The following CDH6 variants were observed in gnomAD, a reference collection of about 807,000 sequenced individuals.
CDH6 encodes the protein cadherin 6, also known as cadherin-6.
In CDH6, 31 loss-of-function variants were observed where a neutral mutation model predicts 78.0. That is an observed-to-expected ratio of 0.40 (90% CI 0.30 to 0.54). The LOEUF is 0.54. CDH6 is among the 20% of genes least tolerant of loss of function. CDH6 has a pLI of 0.56. For missense variants in CDH6, 724 were observed against 975.9 expected, an observed-to-expected ratio of 0.74 and a Z score of 3.44; for synonymous variants, 376 against 368.8, an observed-to-expected ratio of 1.02 and a Z score of -0.23.
At chr5:31,288,275 T>C (rs1430881481) in intron 2 of CDH6, among the ~76,000 whole-genome samples, 1 of 152,212 alleles carries the variant, frequency 6.6e-6, no homozygotes, top group East Asian at 1.9e-4. Flanking sequence ...TTCTAATTGG[T>C]AAAATAATCA....
At chr5:31,209,900 G>C (rs753834639) in intron 1 of CDH6, among the ~76,000 whole-genome samples, 2 of 150,502 alleles carry the variant, frequency 1.3e-5, no homozygotes, top group Non-Finnish European at 3.0e-5. Flanking sequence ...TTTTTGTCTA[G>C]TAGAAAAGAG....
intron 1 of CDH6, chr5:31,251,652 C>T (rs1741911629): frequency 6.6e-6 from 1 of 152,160 alleles, no homozygotes; most frequent in Admixed American, 6.5e-5. Context: ...TATCCATAAT[C>T]CCGAGTAGGC....
At chr5:31,219,518 A>C (rs1740953550) in intron 1 of CDH6, among the ~76,000 whole-genome samples, 1 of 152,058 alleles carries the variant, frequency 6.6e-6, no homozygotes, top group African/African-American at 2.4e-5. Flanking sequence ...CACATCATTC[A>C]TGCCCTCTTT....
intron 1 of CDH6, among the ~76,000 whole-genome samples, chr5:31,216,408 A>G (rs1740864665): frequency 6.6e-6 from 1 of 152,102 alleles, no homozygotes; most frequent in Non-Finnish European, 1.5e-5. Context: ...TCAACAGAAA[A>G]ACAGTATTTT....
intron 1 of CDH6, among the ~76,000 whole-genome samples, chr5:31,216,565 G>A (rs750686176): frequency 6.6e-5 from 10 of 151,392 alleles, no homozygotes; most frequent in Non-Finnish European, 1.5e-4. Context: ...ACAGAGATGT[G>A]TATGGCCCAC....
chr5:31,311,549 G>A (rs1015314760), intron 7 of CDH6, among the ~76,000 whole-genome samples: 2 of 151,994 alleles, frequency 1.3e-5, no homozygotes, highest in Non-Finnish European at 2.9e-5. Context: ...CACTTTCCTG[G>A]TACCAATTTT....
rs533357377 is a variant in CDH6, at chr5:31,292,347, G to A, written c.229-1615G>A. ...TTTGACATGTCAACAGTGACTCTAA[G>A]AAAGAGGCCGTATATAAAGTATTTC... On this transcript the variant is annotated intron_variant, in intron 2 of 11. Coordinates refer to ENST00000265071, the MANE Select transcript of CDH6 (RefSeq NM_004932.4). 2.0e-5 allele frequency among the ~76,000 whole-genome samples: 3 copies of A among 152,306 alleles called. No homozygotes were observed. The South Asian group carries it at 6.2e-4, about 32-fold the overall frequency.
chr5:31,225,911 C>T (rs190825991), intron 1 of CDH6, among the ~76,000 whole-genome samples: 37 of 152,194 alleles, frequency 2.4e-4, no homozygotes, highest in East Asian at 1.6e-3. Context: ...CCTAAAATTG[C>T]GTAGCTGGTA....
chr5:31,212,475 C>A (rs1382788615), intron 1 of CDH6, among the ~76,000 whole-genome samples: 2 of 152,268 alleles, frequency 1.3e-5, no homozygotes, highest in East Asian at 3.9e-4. Context: ...CCGTAATGTG[C>A]CAAATGCGGC....
intron 1 of CDH6, among the ~76,000 whole-genome samples, chr5:31,201,974 C>T (rs1185931430): frequency 6.6e-6 from 1 of 152,094 alleles, no homozygotes; most frequent in African/African-American, 2.4e-5. Flanking sequence ...CAGAATGTGT[C>T]ATTAATAGTG....
At position 31,302,628 on chromosome 5, in the gene CDH6, G is replaced by A. The variant is rs192965725; in HGVS notation, c.999+330G>A. ...CTCTGGAGACTGAGGCAAGAGGATC[G>A]CTTGAGCCTGGGCAGCAGAGGTTGC... On this transcript the variant is annotated intron_variant, in intron 6 of 11. Transcript: ENST00000265071. Among the ~76,000 whole-genome samples the A allele has an allele frequency of 3.1e-3, 466 of 149,502 alleles. 5 individuals are homozygous for A. The highest frequency in any genetic ancestry group is 0.011 in the African/African-American group (434 of 40,510).
chr5:31,283,692 A>G (rs1742926413), intron 2 of CDH6, among the ~76,000 whole-genome samples: 2 of 145,488 alleles, frequency 1.4e-5, no homozygotes, highest in Non-Finnish European at 3.1e-5. Context: ...CATTTCTACT[A>G]TATAGGAAAA....
chr5:31,240,534 G>T (rs1413018357), intron 1 of CDH6, among the ~76,000 whole-genome samples: 1 of 152,070 alleles, frequency 6.6e-6, no homozygotes, highest in Non-Finnish European at 1.5e-5. Flanking sequence ...CCAAACCAGT[G>T]ACACCATCAT....
intron 2 of CDH6, among the ~76,000 whole-genome samples, chr5:31,278,729 CT>C (rs1561055007): frequency 1.3e-5 from 2 of 152,028 alleles, no homozygotes; most frequent in South Asian, 4.2e-4. Context: ...TAATGACATT[CT>C]TTTTTTAACC....
At chr5:31,231,426 G>A (rs944213887) in intron 1 of CDH6, among the ~76,000 whole-genome samples, 2 of 152,140 alleles carry the variant, frequency 1.3e-5, no homozygotes, top group Non-Finnish European at 2.9e-5. Context: ...TTTCATGGAC[G>A]CTTCCTGTCT....
chr5:31,267,785 C>A, intron 2 of CDH6, 84 bp downstream of exon 2: 1 of 990,756 alleles, frequency 1.0e-6, no homozygotes, highest in Non-Finnish European at 1.6e-6. Flanking sequence ...AGGATGTGTA[C>A]TATTCCCCAA....
intron 1 of CDH6, among the ~76,000 whole-genome samples, chr5:31,204,000 G>A (rs894445274): frequency 2.0e-5 from 3 of 152,312 alleles, no homozygotes; most frequent in South Asian, 2.1e-4. Context: ...GTACCCAAGA[G>A]GAGGTGGTCC....
At chr5:31,259,717 C>T (rs916441901) in intron 1 of CDH6, among the ~76,000 whole-genome samples, 5 of 152,158 alleles carry the variant, frequency 3.3e-5, no homozygotes, top group Admixed American at 6.5e-5. Flanking sequence ...CTTCTTTGTT[C>T]GCATGAGTAA....
chr5:31,216,380 T>G (rs191209573), intron 1 of CDH6, among the ~76,000 whole-genome samples: 1 of 152,134 alleles, frequency 6.6e-6, no homozygotes, highest in East Asian at 1.9e-4. Context: ...TTGTCCATTT[T>G]TAAATAGTTA....
Sources: allele counts gnomAD v4.1 joint callset (sites outside exome capture counted in the v4.1 genomes callset), GRCh38; gene constraint gnomAD v4.1.1; transcripts MANE v1.5; gene names NCBI Gene and HGNC (gene_info 2026-07-23, HGNC 2026-07-21).